IL23R: variants seen among roughly 807,000 people sequenced by gnomAD.
The protein encoded by IL23R is interleukin 23 receptor.
IL23R carries 34 observed loss-of-function variants against 56.9 expected under a neutral mutation model. The ratio of observed to expected loss-of-function variants is 0.60; its 90% CI spans 0.45 to 0.80. The LOEUF (loss-of-function observed/expected upper bound fraction) is 0.80. Among genes scored for constraint, IL23R ranks in the 30% least tolerant of loss-of-function variants. IL23R has a pLI of 0.00. For missense variants in IL23R, 635 were observed against 730.0 expected, an observed-to-expected ratio of 0.87 and a Z score of 1.50; for synonymous variants, 230 against 249.2, an observed-to-expected ratio of 0.92 and a Z score of 0.73.
At chr1:67,195,280 G>GC (rs1188711789) in intron 4 of IL23R, among the ~76,000 whole-genome samples, 4 of 152,142 alleles carry the variant, frequency 2.6e-5, no homozygotes, top group Admixed American at 1.3e-4. Context: ...TGATCTGCCT[G>GC]CCTCAGCCTC....
intron 5 of IL23R, among the ~76,000 whole-genome samples, chr1:67,201,280 C>T (rs956827037): frequency 6.6e-6 from 1 of 151,660 alleles, no homozygotes. Context: ...TGGTGGCGGG[C>T]ACCTGTAGTC....
At chr1:67,190,025 G>T (rs999219108) in intron 4 of IL23R, among the ~76,000 whole-genome samples, 1 of 152,150 alleles carries the variant, frequency 6.6e-6, no homozygotes, top group African/African-American at 2.4e-5. Flanking sequence ...AATGAATGTT[G>T]TGGTCGAGGT....
chr1:67,206,771 A>G (rs971910712), intron 5 of IL23R, 139 bp from the exon 6 acceptor site: 17 of 962,564 alleles, frequency 1.8e-5, no homozygotes, highest in Admixed American at 8.5e-5. Flanking sequence ...GAAAATGTCC[A>G]TAATTGTTCA....
chr1:67,212,121 T>C (rs1649520073), intron 6 of IL23R, among the ~76,000 whole-genome samples: 1 of 152,138 alleles, frequency 6.6e-6, no homozygotes, highest in African/African-American at 2.4e-5. Flanking sequence ...TCCTCCACCA[T>C]TATTTTTTTC....
At chr1:67,161,940 A>G (rs980370230), upstream of IL23R, among the ~76,000 whole-genome samples, 9 of 152,006 alleles carry the variant, frequency 5.9e-5, no homozygotes, top group African/African-American at 1.9e-4. Context: ...ATATTTTTAA[A>G]GCTCTAAATA....
At chr1:67,196,158 A>G (rs191836748) in intron 4 of IL23R, 45 of 152,476 alleles carry the variant, frequency 3.0e-4, no homozygotes, top group Middle Eastern at 6.8e-3. Context: ...CAACAGCACA[A>G]ACAGTGTAAT....
chr1:67,168,765 T>C (rs1646903658), intron 2 of IL23R, among the ~76,000 whole-genome samples: 1 of 152,234 alleles, frequency 6.6e-6, no homozygotes, highest in African/African-American at 2.4e-5. Context: ...CTCTCGGTTC[T>C]CTACTTTAAA....
chr1:67,168,995 G>C (rs1646907328), intron 2 of IL23R, among the ~76,000 whole-genome samples: 1 of 152,012 alleles, frequency 6.6e-6, no homozygotes, highest in African/African-American at 2.4e-5. Flanking sequence ...CGCCATATTA[G>C]CCGGGCGTGG....
At chr1:67,201,603 C>A (rs1324574303) in intron 5 of IL23R, among the ~76,000 whole-genome samples, 1 of 149,330 alleles carries the variant, frequency 6.7e-6, no homozygotes, top group East Asian at 1.9e-4. Flanking sequence ...TTTGTTGAGT[C>A]TTACGTTGTG....
intron 1 of IL23R, among the ~76,000 whole-genome samples, chr1:67,144,223 C>T (rs917324466): frequency 3.3e-5 from 5 of 152,270 alleles, no homozygotes; most frequent in South Asian, 2.1e-4. Flanking sequence ...TCTAGATTCA[C>T]GAAATCATTA....
At chr1:67,156,474 G>T (rs1646770834) in intron 1 of IL23R, among the ~76,000 whole-genome samples, 1 of 152,176 alleles carries the variant, frequency 6.6e-6, no homozygotes, top group African/African-American at 2.4e-5. Context: ...ACAAGCCCCT[G>T]ACTGGAGCTG....
At chr1:67,217,502 A>G (rs1649925323) in intron 6 of IL23R, among the ~76,000 whole-genome samples, 1 of 152,056 alleles carries the variant, frequency 6.6e-6, no homozygotes, top group Non-Finnish European at 1.5e-5. Context: ...GGCAGCAAAC[A>G]TATTGGAGAC....
intron 9 of IL23R, among the ~76,000 whole-genome samples, chr1:67,248,433 G>A (rs563626332): frequency 1.3e-5 from 2 of 152,020 alleles, no homozygotes; most frequent in South Asian, 2.1e-4. Context: ...TATGCTTCAC[G>A]AAGTTCTTGT....
chr1:67,156,221 G>A lies in IL23R; in HGVS notation c.-633-11871G>A, dbSNP rs1045337415. On this transcript the variant is annotated intron_variant, in intron 1 of 10. Coordinates refer to the IL23R transcript ENST00000637002. The stretch of plus-strand genomic sequence containing the variant: ...CAGCCAGAGCTCTCCTGTATGAGGT[G>A]TCTGTCGACCCCCGTTGGGAGGTCT... 1.2e-4 allele frequency among the ~76,000 whole-genome samples: 19 copies of A among 152,176 alleles called. 1 individual carries two copies. Among genetic ancestry groups the A allele is most frequent in the Non-Finnish European group, 2.9e-5 (2 of 68,034 alleles).
At chr1:67,141,451 C>T (rs1473261154) in intron 1 of IL23R, among the ~76,000 whole-genome samples, 3 of 151,882 alleles carry the variant, frequency 2.0e-5, no homozygotes, top group African/African-American at 4.8e-5. Flanking sequence ...TTTCTTTCCA[C>T]GGGGCACTCA....
intron 6 of IL23R, among the ~76,000 whole-genome samples, chr1:67,210,579 T>C (rs1331992220): frequency 6.6e-5 from 10 of 152,062 alleles, no homozygotes; most frequent in Admixed American, 1.3e-4. Flanking sequence ...CCTCCTGCCT[T>C]AGCCTCCCAA....
At chr1:67,153,659 T>C (rs967312426) in intron 1 of IL23R, among the ~76,000 whole-genome samples, 4 of 152,194 alleles carry the variant, frequency 2.6e-5, no homozygotes, top group African/African-American at 4.8e-5. Flanking sequence ...TCTGTTCTCA[T>C]TGCGTTCAAA....
In IL23R at chr1:67,259,066, A is replaced by G. The variant is rs1468346338; in HGVS notation, c.1828A>G (p.Thr610Ala). The change falls in exon 11 of 11, where the codon ACT (threonine) becomes GCT (alanine). Residue 610 changes from threonine (T) to alanine (A), a missense_variant. By Grantham distance (58) the Thr-to-Ala change is moderately conservative. Coordinates refer to ENST00000347310, the MANE Select transcript of IL23R (RefSeq NM_144701.3). ...GAATGAGGAGTTGCCATCTATTAAT[A>G]CTTATTTTCCACAAAATATTTTGGA... ...IVNEELPSIN[T>A]YFPQNILESH... 2 of 1,613,944 alleles carry G rather than the reference A, an allele frequency of 1.2e-6. No individual in the cohort carries two copies. The highest frequency in any genetic ancestry group is 1.7e-6 in the Non-Finnish European group (2 of 1,179,918).
rs751326080 is a variant in IL23R, at chr1:67,258,816, G to C, written c.1578G>C (p.Lys526Asn). 8.1e-6 allele frequency: 13 copies of C among 1,611,912 alleles called. No homozygotes were observed. The highest frequency in any genetic ancestry group is 1.0e-5 in the Non-Finnish European group (12 of 1,178,432). The change falls in exon 11 of 11, where the codon AAG becomes AAC. Residue 526 changes from lysine (K) to asparagine (N), a missense_variant. Lys to Asn is a moderately conservative substitution (Grantham distance 94). Transcript: ENST00000347310. ...CAGGAAATAATCCCAGGTTACAAAA[G>C]CATCCTAATTTTGCTTTTTCTGTTT... ...LDSGNNPRLQKHPNFAFSVSS... is the reference protein window; with the variant it reads ...LDSGNNPRLQNHPNFAFSVSS...
Sources: allele counts gnomAD v4.1 joint callset (sites outside exome capture counted in the v4.1 genomes callset), GRCh38; gene constraint gnomAD v4.1.1; transcripts MANE v1.5; gene names NCBI Gene and HGNC (gene_info 2026-07-23, HGNC 2026-07-21).